TMEM132D: variants seen among roughly 807,000 people sequenced by gnomAD.
TMEM132D encodes mature OL transmembrane protein.
Under a neutral mutation model 62.3 loss-of-function variants are expected in TMEM132D, and 21 were observed. The ratio of observed to expected loss-of-function variants is 0.34; its 90% CI spans 0.24 to 0.49. TMEM132D has a LOEUF of 0.49. TMEM132D is among the 20% of genes least tolerant of loss of function. The pLI is 0.99. For missense variants in TMEM132D, 1,346 were observed against 1,402.8 expected, an observed-to-expected ratio of 0.96 and a Z score of 0.65; for synonymous variants, 621 against 575.6, an observed-to-expected ratio of 1.08 and a Z score of -1.13.
At chr12:129,802,798 C>G (rs1392281455) in intron 1 of TMEM132D, among the ~76,000 whole-genome samples, 1 of 151,346 alleles carries the variant, frequency 6.6e-6, no homozygotes, top group Non-Finnish European at 1.5e-5. Flanking sequence ...AAACCCATCT[C>G]ACGTGCAGAG....
At chr12:129,226,426 G>A (rs1231687033) in intron 4 of TMEM132D, among the ~76,000 whole-genome samples, 4 of 152,184 alleles carry the variant, frequency 2.6e-5, no homozygotes, top group Non-Finnish European at 5.9e-5. Context: ...GGGACAGGAA[G>A]GTTCTCATAC....
chr12:129,260,624 G>T (rs1049377312), intron 4 of TMEM132D, among the ~76,000 whole-genome samples: 5 of 152,144 alleles, frequency 3.3e-5, no homozygotes, highest in Non-Finnish European at 7.3e-5. Flanking sequence ...CTGGAGAAGT[G>T]CACAGTGTAC....
At chr12:129,454,158 C>T (rs147659332) in intron 3 of TMEM132D, among the ~76,000 whole-genome samples, 47 of 152,230 alleles carry the variant, frequency 3.1e-4, no homozygotes, top group African/African-American at 9.6e-4. Flanking sequence ...TGTTTCCTAC[C>T]GAGTGCTAAG....
At chr12:129,138,663 A>G (rs577403981) in intron 5 of TMEM132D, among the ~76,000 whole-genome samples, 2 of 152,310 alleles carry the variant, frequency 1.3e-5, no homozygotes, top group Admixed American at 1.3e-4. Context: ...AAAGGTTGCA[A>G]TGAGCCAAGA....
chr12:129,894,329 C>T (rs1875032805), intron 1 of TMEM132D, among the ~76,000 whole-genome samples: 1 of 152,180 alleles, frequency 6.6e-6, no homozygotes, highest in Admixed American at 6.5e-5. Context: ...CAATTATCTC[C>T]ACCTGGTCCC....
chr12:129,398,999 G>T (rs1871518413), intron 3 of TMEM132D, among the ~76,000 whole-genome samples: 1 of 152,142 alleles, frequency 6.6e-6, no homozygotes, highest in Non-Finnish European at 1.5e-5. Flanking sequence ...AGATCAAGGG[G>T]CCACATTTGG....
At chr12:129,215,013 T>C (rs1166477317) in intron 4 of TMEM132D, among the ~76,000 whole-genome samples, 1 of 152,204 alleles carries the variant, frequency 6.6e-6, no homozygotes, top group Non-Finnish European at 1.5e-5. Context: ...GGCATGTGCA[T>C]GTATACTGCA....
At position 129,448,010 on chromosome 12, in the gene TMEM132D, T is replaced by C. The variant is rs552547098; in HGVS notation, c.1115+83049A>G. Among the ~76,000 whole-genome samples, 7 of 152,282 alleles carry C rather than the reference T, an allele frequency of 4.6e-5. No individual in the cohort carries two copies. In the East Asian group the frequency reaches 1.4e-3, roughly 29 times the overall value. ...GATAAGCATGAAATGAGATCGTCTG[T>C]GGCGTTTTCAGCGTAGTGCTTGGCT... On this transcript the variant is annotated intron_variant, in intron 3 of 8. Coordinates refer to ENST00000422113, the MANE Select transcript of TMEM132D (RefSeq NM_133448.3).
At chr12:129,288,132 G>A (rs1881355241) in intron 4 of TMEM132D, among the ~76,000 whole-genome samples, 1 of 152,172 alleles carries the variant, frequency 6.6e-6, no homozygotes, top group Non-Finnish European at 1.5e-5. Context: ...AACTCAAAAT[G>A]TGTTAAATAG....
At chr12:129,337,362 T>C (rs1192401561) in intron 4 of TMEM132D, among the ~76,000 whole-genome samples, 1 of 152,082 alleles carries the variant, frequency 6.6e-6, no homozygotes, top group African/African-American at 2.4e-5. Flanking sequence ...CCAAATCTAA[T>C]ACCTGGAGTT....
intron 1 of TMEM132D, among the ~76,000 whole-genome samples, chr12:129,795,449 A>T (rs1377335690): frequency 6.6e-6 from 1 of 152,246 alleles, no homozygotes; most frequent in Non-Finnish European, 1.5e-5. Flanking sequence ...AAAAAATTTA[A>T]TGTTGACCAA....
intron 3 of TMEM132D, among the ~76,000 whole-genome samples, chr12:129,432,361 G>T (rs1417685079): frequency 2.0e-5 from 3 of 151,686 alleles, no homozygotes; most frequent in Non-Finnish European, 4.4e-5. Context: ...ATGGATGGAT[G>T]GGTGGATGGA....
intron 2 of TMEM132D, among the ~76,000 whole-genome samples, chr12:129,570,624 G>T (rs1344159623): frequency 6.6e-6 from 1 of 152,154 alleles, no homozygotes; most frequent in Non-Finnish European, 1.5e-5. Flanking sequence ...CTGCTGTTAG[G>T]GGTGATAATT....
At chr12:129,206,773 T>C (rs1250448064) in intron 5 of TMEM132D, among the ~76,000 whole-genome samples, 1 of 152,088 alleles carries the variant, frequency 6.6e-6, no homozygotes, top group African/African-American at 2.4e-5. Context: ...TATGCAGCCA[T>C]AAAAGAGAAT....
At chr12:129,703,763 C>T (rs1881438637) in intron 1 of TMEM132D, among the ~76,000 whole-genome samples, 1 of 152,058 alleles carries the variant, frequency 6.6e-6, no homozygotes, top group Admixed American at 6.6e-5. Context: ...ACTCAGTGGT[C>T]TGGGAGAGAT....
chr12:129,496,727 T>C (rs1874969211), intron 3 of TMEM132D, among the ~76,000 whole-genome samples: 2 of 150,640 alleles, frequency 1.3e-5, no homozygotes, highest in Admixed American at 1.3e-4. Context: ...TGCAAAAGGC[T>C]TGAATGCCTT....
intron 1 of TMEM132D, among the ~76,000 whole-genome samples, chr12:129,736,180 C>G (rs190201886): frequency 2.4e-4 from 37 of 152,152 alleles, no homozygotes; most frequent in Non-Finnish European, 2.9e-5. Flanking sequence ...GTATTTATTG[C>G]TGTTTCTCTA....
chr12:129,730,959 A>C (rs1869214339), intron 1 of TMEM132D, among the ~76,000 whole-genome samples: 1 of 152,052 alleles, frequency 6.6e-6, no homozygotes, highest in Non-Finnish European at 1.5e-5. Context: ...TCTAGCAGAT[A>C]GCCTACGTGG....
chr12:129,205,285 G>A (rs1368460654), intron 5 of TMEM132D, among the ~76,000 whole-genome samples: 1 of 149,772 alleles, frequency 6.7e-6, no homozygotes, highest in Admixed American at 6.7e-5. Context: ...CACATGTAGT[G>A]ACATCCATTG....
Sources: gnomAD v4.1 joint callset for allele counts (sites outside exome capture counted in the v4.1 genomes callset) on GRCh38, gnomAD v4.1.1 for gene constraint, MANE v1.5 for transcripts, NCBI Gene and HGNC (gene_info 2026-07-23, HGNC 2026-07-21) for gene names.